Variants in SRGAP2C observed in about 807,000 individuals in gnomAD.
The protein encoded by SRGAP2C is SLIT-ROBO Rho GTPase-activating protein 2C.
Under a neutral mutation model 25.1 loss-of-function variants are expected in SRGAP2C, and 15 were observed. The observed-to-expected ratio is 0.60, with a 90% CI of 0.40 to 0.92. SRGAP2C has a LOEUF of 0.92. SRGAP2C is among the 40% of genes least tolerant of loss of function. The pLI is 0.00. For missense variants in SRGAP2C, 144 were observed against 264.4 expected (o/e 0.54, Z 3.16); for synonymous variants, 44 against 96.6 (o/e 0.46, Z 3.19).
At chr1:121,278,023 C>G (rs1657146257) in intron 2 of SRGAP2C, among the ~76,000 whole-genome samples, 1 of 149,392 alleles carries the variant, frequency 6.7e-6, no homozygotes, top group Non-Finnish European at 1.5e-5. Context: ...TCACTGTGGC[C>G]TTGACCTCCT....
chr1:121,195,348 T>C (rs1227505150), intron 2 of SRGAP2C, among the ~76,000 whole-genome samples: 57 of 150,292 alleles, frequency 3.8e-4, no homozygotes, highest in African/African-American at 1.4e-3. Flanking sequence ...AGGCAGAGGT[T>C]GCAGTGAGCC....
intron 2 of SRGAP2C, among the ~76,000 whole-genome samples, chr1:121,211,088 A>G (rs1655238797): frequency 6.7e-6 from 1 of 148,382 alleles, no homozygotes; most frequent in Non-Finnish European, 1.5e-5. Context: ...GGGCTGCAGG[A>G]TACAGGATAG....
intron 2 of SRGAP2C, among the ~76,000 whole-genome samples, chr1:121,234,500 C>CT: frequency 6.7e-6 from 1 of 148,408 alleles, no homozygotes; most frequent in South Asian, 2.2e-4. Context: ...TTTCTGAATA[C>CT]TTTCCCAGCT....
At chr1:121,305,189 C>T (rs1425598047) in intron 3 of SRGAP2C, among the ~76,000 whole-genome samples, 39 of 151,974 alleles carry the variant, frequency 2.6e-4, no homozygotes, top group African/African-American at 5.3e-4. Flanking sequence ...TTGCATTTAG[C>T]GAACCAAGAA....
intron 7 of SRGAP2C, among the ~76,000 whole-genome samples, chr1:121,377,041 A>C (rs1476437353): frequency 6.0e-5 from 9 of 150,870 alleles, no homozygotes; most frequent in Admixed American, 2.0e-4. Flanking sequence ...TAGATTCTCC[A>C]TCAGGTATAA....
intron 2 of SRGAP2C, among the ~76,000 whole-genome samples, chr1:121,228,644 C>T (rs1558087214): frequency 6.6e-6 from 1 of 151,624 alleles, no homozygotes; most frequent in African/African-American, 2.4e-5. Flanking sequence ...CCTTCTACTA[C>T]TTCATACCTT....
rs1553355210 is a variant in SRGAP2C at position 121,382,687 on chromosome 1, TCTC to T, written c.832-11_832-9del. 1 of 599,440 alleles carries T rather than the reference TCTC, an allele frequency of 1.7e-6. No homozygotes were observed. The highest frequency in any genetic ancestry group is 4.4e-4 in the Middle Eastern group (1 of 2,280). 37.1% of individuals were successfully genotyped at this position (599,440 alleles called of 1,614,324 possible). On this transcript the variant is annotated splice_polypyrimidine_tract_variant and intron_variant, in intron 7 of 9. Coordinates refer to ENST00000367123, the MANE Select transcript of SRGAP2C (RefSeq NM_001329984.2). Reference sequence around the variant, plus strand: ...CTGTCCATGGTGTGCTCATGTGCCTTCTCCTTCCCACAGCAGTGTTGTGACTTA... The same window carrying T: ...CTGTCCATGGTGTGCTCATGTGCCTTCTTCCCACAGCAGTGTTGTGACTTA...
At chr1:121,250,526 A>AC (rs1656333519) in intron 2 of SRGAP2C, among the ~76,000 whole-genome samples, 1 of 143,854 alleles carries the variant, frequency 7.0e-6, no homozygotes, top group South Asian at 2.2e-4. Flanking sequence ...TTAAAGGCAT[A>AC]CAGAGATGCT....
At chr1:121,280,211 T>TA (rs1248679066) in intron 2 of SRGAP2C, among the ~76,000 whole-genome samples, 1 of 145,692 alleles carries the variant, frequency 6.9e-6, no homozygotes, top group African/African-American at 2.5e-5. Context: ...AGGAACCTTT[T>TA]AAAAAAATTG....
chr1:121,223,568 TCTC>T (rs1655591065), intron 2 of SRGAP2C, among the ~76,000 whole-genome samples: 2 of 51,250 alleles, frequency 3.9e-5, no homozygotes, highest in Non-Finnish European at 7.3e-5. Context: ...ATAGTGCCCA[TCTC>T]CTCCCATCCA....
intron 3 of SRGAP2C, among the ~76,000 whole-genome samples, chr1:121,303,408 C>T (rs1657743317): frequency 1.3e-5 from 2 of 151,504 alleles, no homozygotes; most frequent in African/African-American, 4.8e-5. Context: ...AAGCTGGCTT[C>T]TGTGTCTTAT....
At chr1:121,357,777 C>A (rs1441329882) in intron 4 of SRGAP2C, among the ~76,000 whole-genome samples, 1 of 91,556 alleles carries the variant, frequency 1.1e-5, no homozygotes, top group Non-Finnish European at 2.2e-5. Flanking sequence ...CGTAAGGAGG[C>A]AGCATAGTGC....
intron 7 of SRGAP2C, among the ~76,000 whole-genome samples, chr1:121,378,780 G>A (rs1434993203): frequency 6.6e-6 from 1 of 152,128 alleles, no homozygotes. Flanking sequence ...AGGCATTGAG[G>A]ATAAGTGAAA....
At position 121,324,476 on chromosome 1, in the gene SRGAP2C, A is replaced by G; in HGVS notation, c.261-2A>G. Reference sequence around the variant, plus strand: ...CTTCTTTTCCTTGATGTTTCTTCACAGGAAGGATCAGAATGTTCTCTCTCC... The same window carrying G: ...CTTCTTTTCCTTGATGTTTCTTCACGGGAAGGATCAGAATGTTCTCTCTCC... On this transcript the variant is annotated splice_acceptor_variant, in intron 3 of 9. Coordinates refer to ENST00000367123, the MANE Select transcript of SRGAP2C (RefSeq NM_001329984.2). LOFTEE classifies it high-confidence loss of function. 4 of 1,612,032 alleles carry G rather than the reference A, an allele frequency of 2.5e-6. No homozygotes were observed. Among genetic ancestry groups the G allele is most frequent in the Non-Finnish European group, 8.5e-7 (1 of 1,178,246 alleles).
intron 4 of SRGAP2C, among the ~76,000 whole-genome samples, chr1:121,347,801 AC>A (rs2101630050): frequency 6.6e-6 from 1 of 151,356 alleles, no homozygotes; most frequent in East Asian, 2.0e-4. Context: ...TATGGCCGTG[AC>A]CTGCAGCTCC....
At position 121,329,551 on chromosome 1, in the gene SRGAP2C, C is replaced by A. The variant is rs1658390461; in HGVS notation, c.423+4911C>A. On this transcript the variant is annotated intron_variant, in intron 4 of 9. Transcript: ENST00000367123. ...GCAGCATGTTTACACTCCTCAGGGG[C>A]AAAATATCTCTGCCCCCTGTAAGAG... is the stretch of plus-strand genomic sequence containing the variant. 2.1e-5 allele frequency among the ~76,000 whole-genome samples: 3 copies of A among 142,022 alleles called. No homozygotes were observed. In the Admixed American group the frequency reaches 2.1e-4, roughly 10 times the overall value. The allele number at this position is 142,022 out of a possible 152,430, so 93.2% of individuals were successfully genotyped here.
At chr1:121,228,145 C>A (rs587636534) in intron 2 of SRGAP2C, among the ~76,000 whole-genome samples, 1 of 76,616 alleles carries the variant, frequency 1.3e-5, no homozygotes, top group Non-Finnish European at 2.5e-5. Flanking sequence ...CACATCTGAA[C>A]TGAAGCCATG....
At chr1:121,352,751 CTT>C (rs1248127922) in intron 4 of SRGAP2C, among the ~76,000 whole-genome samples, 1 of 150,970 alleles carries the variant, frequency 6.6e-6, no homozygotes, top group East Asian at 2.0e-4. Flanking sequence ...CAAATAGAAT[CTT>C]AGAAATGCAG....
Position 121,263,499 on chromosome 1 carries a change from A to T in SRGAP2C, c.68-21304A>T, listed in dbSNP as rs377488518. 1.4e-4 allele frequency among the ~76,000 whole-genome samples: 21 copies of T among 151,052 alleles called. No homozygotes were observed. The South Asian group carries it at 4.4e-3, about 32-fold the overall frequency. ...ACCTGTAACACTTTGCTTTTACATT[A>T]TCATTGATTTTTAAAATTACTAATA... On this transcript the variant is annotated intron_variant, in intron 2 of 9. Transcript: ENST00000367123.
Sources: gnomAD v4.1 joint callset for allele counts (sites outside exome capture counted in the v4.1 genomes callset) on GRCh38, gnomAD v4.1.1 for gene constraint, MANE v1.5 for transcripts, NCBI Gene and HGNC (gene_info 2026-07-23, HGNC 2026-07-21) for gene names.